Variants in NEDD4L observed in about 807,000 individuals in gnomAD.
NEDD4L encodes E3 ubiquitin-protein ligase NEDD4-like.
A neutral mutation model predicts 148.9 loss-of-function variants in NEDD4L; 54 were observed. The ratio of observed to expected loss-of-function variants is 0.36; its 90% confidence interval spans 0.29 to 0.45. The LOEUF is 0.45. NEDD4L is among the 20% of genes least tolerant of loss of function. The probability of loss-of-function intolerance (pLI) is 1.00; values close to 1 mark genes in which losing one functional copy is unlikely to be tolerated. For missense variants in NEDD4L, 856 were observed against 1,233.8 expected (o/e 0.69, Z 4.59); for synonymous variants, 433 against 440.7 (o/e 0.98, Z 0.22).
intron 1 of NEDD4L, among the ~76,000 whole-genome samples, chr18:58,130,743 TTTGG>T (rs1305608403): frequency 8.6e-6 from 1 of 116,464 alleles, no homozygotes; most frequent in African/African-American, 3.4e-5. Context: ...GGGCTCTGGA[TTTGG>T]TTGGTTGTGA....
intron 5 of NEDD4L, among the ~76,000 whole-genome samples, chr18:58,267,454 T>TGGAGGGC (rs1434515367): frequency 1.3e-5 from 2 of 152,056 alleles, no homozygotes; most frequent in African/African-American, 4.8e-5. Flanking sequence ...CTGTACTGGA[T>TGGAGGGC]GGAGGGCAAG....
At chr18:58,200,073 C>A (rs1214471670) in intron 2 of NEDD4L, among the ~76,000 whole-genome samples, 1 of 152,166 alleles carries the variant, frequency 6.6e-6, no homozygotes, top group Admixed American at 6.5e-5. Flanking sequence ...AGTAGTCAAT[C>A]TTACTGTTTT....
At chr18:58,354,479 C>T (rs961955013) in intron 18 of NEDD4L, among the ~76,000 whole-genome samples, 1 of 151,606 alleles carries the variant, frequency 6.6e-6, no homozygotes, top group Non-Finnish European at 1.5e-5. Context: ...CTACCCCATA[C>T]TTTCATACAT....
At chr18:58,081,576 A>G (rs2083437807) in intron 1 of NEDD4L, among the ~76,000 whole-genome samples, 1 of 152,100 alleles carries the variant, frequency 6.6e-6, no homozygotes, top group Non-Finnish European at 1.5e-5. Flanking sequence ...GGACGTTTGA[A>G]CACTTTAGGA....
chr18:58,376,646 G>T (rs938218947), intron 24 of NEDD4L, among the ~76,000 whole-genome samples: 1 of 151,950 alleles, frequency 6.6e-6, no homozygotes, highest in Middle Eastern at 3.2e-3. Flanking sequence ...CTAGACCCCC[G>T]ACCCGTCTCT....
intron 9 of NEDD4L, among the ~76,000 whole-genome samples, chr18:58,327,772 A>G (rs2059433807): frequency 6.6e-6 from 1 of 152,140 alleles, no homozygotes; most frequent in Non-Finnish European, 1.5e-5. Flanking sequence ...TCAACTTTTG[A>G]GATACTGACT....
chr18:58,085,582 T>G (rs2083720412), intron 1 of NEDD4L, among the ~76,000 whole-genome samples: 1 of 152,186 alleles, frequency 6.6e-6, no homozygotes, highest in Non-Finnish European at 1.5e-5. Flanking sequence ...CGGAGGCATC[T>G]GAGATGATGT....
At chr18:58,134,318 C>T (rs947151702) in intron 1 of NEDD4L, among the ~76,000 whole-genome samples, 26 of 151,018 alleles carry the variant, frequency 1.7e-4, no homozygotes, top group African/African-American at 6.3e-4. Flanking sequence ...CTTAATTTGG[C>T]TGTCGGTTGT....
chr18:58,316,064 C>T, intron 6 of NEDD4L, 32 bp downstream of exon 6: 1 of 1,574,396 alleles, frequency 6.4e-7, no homozygotes, highest in Non-Finnish European at 8.7e-7. Context: ...ATGCTTCGTG[C>T]TGGGGGCGGG....
At chr18:58,371,088 G>A (rs1329911396) in intron 23 of NEDD4L, among the ~76,000 whole-genome samples, 2 of 146,464 alleles carry the variant, frequency 1.4e-5, no homozygotes, top group Non-Finnish European at 3.0e-5. Flanking sequence ...TTTCACCCAG[G>A]CTAGAGTGCA....
chr18:58,249,694 G>C (rs2047670018), intron 4 of NEDD4L, among the ~76,000 whole-genome samples: 2 of 152,240 alleles, frequency 1.3e-5, no homozygotes, highest in African/African-American at 4.8e-5. Flanking sequence ...CAGGTCTTCT[G>C]ATTAGTGCAG....
intron 28 of NEDD4L, among the ~76,000 whole-genome samples, chr18:58,389,899 G>A (rs1424495454): frequency 2.6e-5 from 4 of 151,966 alleles, no homozygotes; most frequent in Non-Finnish European, 5.9e-5. Flanking sequence ...AAATTCTTGG[G>A]CTTAAGCAAT....
intron 22 of NEDD4L, among the ~76,000 whole-genome samples, chr18:58,369,129 C>T (rs900685302): frequency 6.6e-6 from 1 of 152,212 alleles, no homozygotes; most frequent in Non-Finnish European, 1.5e-5. Context: ...ATTGAGTCCT[C>T]AGAGGAGAAA....
intron 2 of NEDD4L, among the ~76,000 whole-genome samples, chr18:58,185,318 G>A (rs745936908): frequency 1.1e-4 from 16 of 152,112 alleles, no homozygotes; most frequent in Non-Finnish European, 1.6e-4. Context: ...TACCTGTTCC[G>A]TATGAAACAC....
chr18:58,056,894 C>CTTTTTTTTTTTTTTTTTTTTT (rs74183230), intron 1 of NEDD4L, among the ~76,000 whole-genome samples: 7 of 121,618 alleles, frequency 5.8e-5, no homozygotes, highest in Non-Finnish European at 8.4e-5. Flanking sequence ...GCTATGCCCT[C>CTTTTTTTTTTTTTTTTTTTTT]TTTTTTTTTT....
chr18:58,169,686 C>T lies in NEDD4L; in HGVS notation c.122+3825C>T, dbSNP rs568591461. On this transcript the variant is annotated intron_variant, in intron 2 of 30. Transcript: ENST00000400345. ...CCCACGTGGGGCGGCCACAGCTCAC[C>T]CTTGTGTGCCTGTGTCCCGTTTCTG... Among the ~76,000 whole-genome samples, 130 of 152,354 alleles carry T rather than the reference C, an allele frequency of 8.5e-4. 1 individual carries two copies. The highest frequency in any genetic ancestry group is 1.7e-3 in the Non-Finnish European group (115 of 68,028).
intron 5 of NEDD4L, among the ~76,000 whole-genome samples, chr18:58,285,717 A>T (rs1384742827): frequency 6.6e-6 from 1 of 152,160 alleles, no homozygotes; most frequent in Non-Finnish European, 1.5e-5. Flanking sequence ...TTTTATTGAA[A>T]CCTGTTCTTT....
At chr18:58,123,488 A>G (rs2030387760) in intron 1 of NEDD4L, among the ~76,000 whole-genome samples, 1 of 152,078 alleles carries the variant, frequency 6.6e-6, no homozygotes, top group Admixed American at 6.5e-5. Context: ...CCCTTCCTGT[A>G]AACAGCCAAA....
intron 3 of NEDD4L, among the ~76,000 whole-genome samples, chr18:58,246,547 C>A (rs1256839183): frequency 2.0e-5 from 3 of 152,180 alleles, no homozygotes; most frequent in East Asian, 3.8e-4. Context: ...TCACCGCAAC[C>A]TTTGCCTCCT....
Sources: allele counts gnomAD v4.1 joint callset (sites outside exome capture counted in the v4.1 genomes callset), GRCh38; gene constraint gnomAD v4.1.1; transcripts MANE v1.5; gene names NCBI Gene and HGNC (gene_info 2026-07-23, HGNC 2026-07-21).